DAZAP1: variants seen among roughly 807,000 people sequenced by gnomAD.
DAZAP1 encodes the protein DAZ associated protein 1.
Under a neutral mutation model 60.1 loss-of-function variants are expected in DAZAP1, and 6 were observed. The observed-to-expected ratio is 0.10, with a 90% CI of 0.05 to 0.20. The LOEUF (loss-of-function observed/expected upper bound fraction) is 0.20. Among genes scored for constraint, DAZAP1 ranks in the 10% least tolerant of loss-of-function variants. The pLI is 1.00. For missense variants in DAZAP1, 366 were observed against 560.4 expected (o/e 0.65, Z 3.50); for synonymous variants, 235 against 215.9 (o/e 1.09, Z -0.78).
At position 1,426,651 on chromosome 19, in the gene DAZAP1, T is replaced by G. The variant is rs1363600441; in HGVS notation, c.546+691T>G. 6.6e-6 allele frequency: 1 copy of G among 152,370 alleles called. No individual in the cohort carries two copies. The highest frequency in any genetic ancestry group is 2.1e-4 in the South Asian group (1 of 4,824). The allele number at this position is 152,370 out of a possible 1,614,324, so 9.4% of individuals were successfully genotyped here. On this transcript the variant is annotated intron_variant, in intron 7 of 11. Coordinates refer to ENST00000233078, the MANE Select transcript of DAZAP1 (RefSeq NM_018959.4). The surrounding 1 kb of genome is among the most constrained non-coding windows in gnomAD (Gnocchi z 5.4). ...TAAATCCTTGTTTTACCTGGACCCT[T>G]GGAGGTTCTTGAGAAGTGGACTCTG...
At chr19:1,420,633 C>T (rs993065481) in intron 4 of DAZAP1, among the ~76,000 whole-genome samples, 78 of 152,270 alleles carry the variant, frequency 5.1e-4, no homozygotes, top group African/African-American at 1.8e-3. Context: ...GGAGCAGGCG[C>T]CCTTGCCAGT....
At chr19:1,421,537 T>C (rs960009187) in intron 5 of DAZAP1, among the ~76,000 whole-genome samples, 1 of 152,196 alleles carries the variant, frequency 6.6e-6, no homozygotes, top group Non-Finnish European at 1.5e-5. Context: ...CACCGTGGGG[T>C]CCAGTGTCAG....
chr19:1,417,296 G>A, intron 1 of DAZAP1: 2 of 641,664 alleles, frequency 3.1e-6, no homozygotes, highest in Non-Finnish European at 5.5e-6. Context: ...CCCATGGCAA[G>A]GATTGGGATC....
rs559918582 is a variant in DAZAP1, at chr19:1,416,262, C to T, written c.30-1238C>T. On this transcript the variant is annotated intron_variant, in intron 1 of 11. Coordinates refer to ENST00000233078, the MANE Select transcript of DAZAP1 (RefSeq NM_018959.4). The surrounding 1 kb of genome is among the most constrained non-coding windows in gnomAD (Gnocchi z 4.3). ...CGAAGCCAAGGGTGGTGTGGTTGGCCGTCAGGGATACAGGGCCCCGCGTGG... is the reference window on the plus strand; with the variant it reads ...CGAAGCCAAGGGTGGTGTGGTTGGCTGTCAGGGATACAGGGCCCCGCGTGG... The T allele has an allele frequency of 3.9e-5, 6 of 152,242 alleles. No individual in the cohort carries two copies. The highest frequency in any genetic ancestry group is 1.3e-4 in the Admixed American group (2 of 15,292). 9.4% of individuals were successfully genotyped at this position (152,242 alleles called of 1,614,324 possible). A position where few individuals can be genotyped will look rare whatever the true frequency, so the allele number is the denominator to read the frequency against.
rs2083515078 is a variant in DAZAP1 at position 1,433,663 on chromosome 19, G to A, written c.1048+973G>A. The A allele has an allele frequency of 1.4e-5, 17 of 1,240,976 alleles. No individual in the cohort carries two copies. The East Asian group carries it at 3.5e-4, about 25-fold the overall frequency. The allele number at this position is 1,240,976 out of a possible 1,614,324, so 76.9% of individuals were successfully genotyped here. On this transcript the variant is annotated intron_variant, in intron 11 of 11. Transcript: ENST00000233078. This position sits in a 1 kb window ranked among gnomAD's most constrained non-coding sequence, Gnocchi z 6.1. ...GCAGGGGGGTGTGAGGCGCCCGGTT[G>A]GGGCGTGGCGTGTGTCAGCCGCTGC...
In DAZAP1 at chr19:1,418,857, C is replaced by T. The variant is rs1474951631; in HGVS notation, c.303+126C>T. On this transcript the variant is annotated intron_variant, in intron 4 of 11. Transcript: ENST00000233078. The surrounding 1 kb of genome is among the most constrained non-coding windows in gnomAD (Gnocchi z 5.7). ...GCGACGCAGGTCTTCTGGGTTGGCACTCGAGCAGCTGAGGATCACCCAGAT... is the reference window on the plus strand; with the variant it reads ...GCGACGCAGGTCTTCTGGGTTGGCATTCGAGCAGCTGAGGATCACCCAGAT... 2.2e-6 allele frequency: 2 copies of T among 927,756 alleles called. No homozygotes were observed. The highest frequency in any genetic ancestry group is 3.3e-6 in the Non-Finnish European group (2 of 614,732). The allele number at this position is 927,756 out of a possible 1,614,324, so 57.5% of individuals were successfully genotyped here. A position where few individuals can be genotyped will look rare whatever the true frequency, so the allele number is the denominator to read the frequency against.
intron 5 of DAZAP1, 129 bp downstream of exon 5, chr19:1,421,387 G>C: frequency 1.3e-6 from 1 of 760,612 alleles, no homozygotes; most frequent in Non-Finnish European, 2.2e-6. Context: ...TCGCTGTCTC[G>C]TATTTCCCCA....
intron 1 of DAZAP1, 146 bp downstream of exon 1, chr19:1,407,948 C>T (rs566879989): frequency 1.4e-6 from 1 of 736,960 alleles, no homozygotes; most frequent in East Asian, 1.1e-4. Context: ...CTCGCCGCGG[C>T]TTCGCGCCGG....
In DAZAP1 at chr19:1,430,092, G is replaced by A. The variant is rs926291085; in HGVS notation, c.730+96G>A. On this transcript the variant is annotated intron_variant, in intron 9 of 11. Transcript: ENST00000233078. ...GGGCAGCCGGCAAAGCCTGGTTCCCGTGTCCTGAGTGCTGGAGAGGAAGAG... is the reference window on the plus strand; with the variant it reads ...GGGCAGCCGGCAAAGCCTGGTTCCCATGTCCTGAGTGCTGGAGAGGAAGAG... 16 of 1,573,508 alleles carry A rather than the reference G, an allele frequency of 1.0e-5. No homozygotes were observed. The African/African-American group carries it at 1.4e-4, about 13-fold the overall frequency.
At position 1,430,203 on chromosome 19, in the gene DAZAP1, C is replaced by A; in HGVS notation, c.731-19C>A. 3 of 1,589,264 alleles carry A rather than the reference C, an allele frequency of 1.9e-6. No individual in the cohort carries two copies. The highest frequency in any genetic ancestry group is 2.6e-6 in the Non-Finnish European group (3 of 1,168,004). On this transcript the variant is annotated intron_variant, in intron 9 of 11. Coordinates refer to ENST00000233078, the MANE Select transcript of DAZAP1 (RefSeq NM_018959.4). ...TGTCCAGCGCTCTCTGTCCATCACC[C>A]CCGTACTGTGTGTTTCAGGTGGCTA...
Position 1,432,769 on chromosome 19 carries a change from C to T in DAZAP1, c.1048+79C>T. The T allele has an allele frequency of 6.9e-7, 1 of 1,446,176 alleles. No homozygotes were observed. The allele number at this position is 1,446,176 out of a possible 1,614,324, so 89.6% of individuals were successfully genotyped here. A position where few individuals can be genotyped will look rare whatever the true frequency, so the allele number is the denominator to read the frequency against. On this transcript the variant is annotated intron_variant, in intron 11 of 11. Transcript: ENST00000233078. The surrounding 1 kb of genome is among the most constrained non-coding windows in gnomAD (Gnocchi z 4.9). ...GGCCTGCCTTCTTCTGCTTCCTCCC[C>T]TGCTGGACGCTCCCCAGCCTTTACC...
rs1218197237 is a variant in DAZAP1, at chr19:1,428,822, C to G, written c.547-20C>G. On this transcript the variant is annotated intron_variant, in intron 7 of 11. Coordinates refer to ENST00000233078, the MANE Select transcript of DAZAP1 (RefSeq NM_018959.4). This position sits in a 1 kb window ranked among gnomAD's most constrained non-coding sequence, Gnocchi z 4.0. Reference sequence around the variant, plus strand: ...CTGGGACCCGCAGCCTCGCCCTAAACCAGAGCTCGGTTTGTTTAGGTGGAA... The same window carrying G: ...CTGGGACCCGCAGCCTCGCCCTAAAGCAGAGCTCGGTTTGTTTAGGTGGAA... The G allele has an allele frequency of 2.3e-5, 37 of 1,612,738 alleles. No individual in the cohort carries two copies. Among genetic ancestry groups the G allele is most frequent in the Non-Finnish European group, 3.0e-5 (35 of 1,179,814 alleles).
chr19:1,418,497 G>A lies in DAZAP1; in HGVS notation c.237+127G>A. 1.4e-6 allele frequency: 2 copies of A among 1,442,164 alleles called. No individual in the cohort carries two copies. Among genetic ancestry groups the A allele is most frequent in the Non-Finnish European group, 1.9e-6 (2 of 1,035,914 alleles). The allele number at this position is 1,442,164 out of a possible 1,614,324, so 89.3% of individuals were successfully genotyped here. A position where few individuals can be genotyped will look rare whatever the true frequency, so the allele number is the denominator to read the frequency against. ...TTTGAACGTGGGGTCGATTGGGAAG[G>A]ATTAAGCCTTGGTGCTGAGGCTGGA... On this transcript the variant is annotated intron_variant, in intron 3 of 11. Coordinates refer to ENST00000233078, the MANE Select transcript of DAZAP1 (RefSeq NM_018959.4). The surrounding 1 kb of genome is among the most constrained non-coding windows in gnomAD (Gnocchi z 5.7).
rs1296659826 is a variant in DAZAP1, at chr19:1,423,793, C to T, written c.463+1397C>T. 1.3e-5 allele frequency among the ~76,000 whole-genome samples: 2 copies of T among 152,230 alleles called. No individual in the cohort carries two copies. Among genetic ancestry groups the T allele is most frequent in the African/African-American group, 4.8e-5 (2 of 41,458 alleles). ...AGGGTTGCTTCTAGATCCTCCCGGT[C>T]CCCCTCCGGCTGCCCAGAGCTGGCG... On this transcript the variant is annotated intron_variant, in intron 6 of 11. Coordinates refer to ENST00000233078, the MANE Select transcript of DAZAP1 (RefSeq NM_018959.4). This position sits in a 1 kb window ranked among gnomAD's most constrained non-coding sequence, Gnocchi z 6.8.
chr19:1,420,478 G>T (rs1165194231), intron 4 of DAZAP1, among the ~76,000 whole-genome samples: 3 of 151,104 alleles, frequency 2.0e-5, no homozygotes, highest in African/African-American at 7.3e-5. Context: ...GATAGCCTTG[G>T]ATAGGGAAAA....
chr19:1,417,212 C>A (rs925273392), intron 1 of DAZAP1: 1 of 490,944 alleles, frequency 2.0e-6, no homozygotes, highest in Non-Finnish European at 3.6e-6. Flanking sequence ...GGTGCCGTCA[C>A]CACTGGCCTG....
At position 1,430,270 on chromosome 19, in the gene DAZAP1, C is replaced by CCCCCCGAA; in HGVS notation, c.779_780insCCCCCGAA (p.Phe262ArgfsTer76). ...GGAAGAGGAGCCCCCCCGCCACCCC[C>CCCCCCGAA]ACCGTTCACCTCCTACATCGTGTCC... On this transcript the variant is annotated frameshift_variant, in exon 10 of 12. Transcript: ENST00000233078. LOFTEE classifies it high-confidence loss of function. The CCCCCCGAA allele has an allele frequency of 2.2e-6, 3 of 1,368,646 alleles. No homozygotes were observed. The highest frequency in any genetic ancestry group is 3.1e-6 in the Non-Finnish European group (3 of 979,200). 84.8% of individuals were successfully genotyped at this position (1,368,646 alleles called of 1,614,324 possible).
Position 1,432,249 on chromosome 19 carries a change from TGGC to T in DAZAP1, c.872-261_872-259del. ...CTTGAGTTCTTGTCTGAGGCCCACCTGGCGGCTGCTCCGTGAGGAACGAGGTGG... is the reference window on the plus strand; with the variant it reads ...CTTGAGTTCTTGTCTGAGGCCCACCTGGCTGCTCCGTGAGGAACGAGGTGG... On this transcript the variant is annotated intron_variant, in intron 10 of 11. Coordinates refer to ENST00000233078, the MANE Select transcript of DAZAP1 (RefSeq NM_018959.4). This position sits in a 1 kb window ranked among gnomAD's most constrained non-coding sequence, Gnocchi z 4.9. 1 of 535,386 alleles carries T rather than the reference TGGC, an allele frequency of 1.9e-6. No individual in the cohort carries two copies. The highest frequency in any genetic ancestry group is 3.3e-6 in the Non-Finnish European group (1 of 301,488). 33.2% of individuals were successfully genotyped at this position (535,386 alleles called of 1,614,324 possible). A position where few individuals can be genotyped will look rare whatever the true frequency, so the allele number is the denominator to read the frequency against.
chr19:1,434,053 C>A lies in DAZAP1; in HGVS notation c.1049-684C>A. The A allele has an allele frequency of 1.8e-6, 1 of 566,274 alleles. No homozygotes were observed. The highest frequency in any genetic ancestry group is 3.2e-6 in the Non-Finnish European group (1 of 316,626). 35.1% of individuals were successfully genotyped at this position (566,274 alleles called of 1,614,324 possible). The stretch of plus-strand genomic sequence containing the variant: ...TGCACCCGAATGGGAACCCAGAGGT[C>A]GTGGGAGGGGCTTCCTGCAAGGTGT... On this transcript the variant is annotated intron_variant, in intron 11 of 11. Transcript: ENST00000233078. This position sits in a 1 kb window ranked among gnomAD's most constrained non-coding sequence, Gnocchi z 8.0.
Sources: gnomAD v4.1 joint callset for allele counts (sites outside exome capture counted in the v4.1 genomes callset) on GRCh38, gnomAD v4.1.1 for gene constraint, Gnocchi (gnomAD v3.1) non-coding constraint, MANE v1.5 for transcripts, NCBI Gene and HGNC (gene_info 2026-07-23, HGNC 2026-07-21) for gene names.